The following GNG4 variants were observed in gnomAD, a reference collection of about 807,000 sequenced individuals.
GNG4 encodes the protein G protein subunit gamma 4.
Under a neutral mutation model 5.8 loss-of-function variants are expected in GNG4, and 4 were observed. The observed-to-expected ratio is 0.69, with a 90% CI of 0.34 to 1.57. The LOEUF is 1.57. GNG4 is among the 40% of genes most tolerant of loss of function. The pLI is 0.06. For missense variants in GNG4, 96 were observed against 95.1 expected (o/e 1.01, Z -0.04); for synonymous variants, 29 against 32.9 (o/e 0.88, Z 0.41).
chr1:235,602,406 G>A (rs1049222407), intron 1 of GNG4, among the ~76,000 whole-genome samples: 12 of 151,854 alleles, frequency 7.9e-5, no homozygotes, highest in Admixed American at 3.9e-4. Flanking sequence ...AAGAGCCCAC[G>A]TCCCCAAATT....
chr1:235,617,576 C>A (rs1688621397), intron 1 of GNG4, among the ~76,000 whole-genome samples: 1 of 152,116 alleles, frequency 6.6e-6, no homozygotes, highest in Non-Finnish European at 1.5e-5. Flanking sequence ...CTTCCCTTCC[C>A]CACTCCTATC....
At position 235,649,667 on chromosome 1, in the gene GNG4, G is replaced by T. The variant is rs370748853; in HGVS notation, c.-128C>A. 19 of 152,160 alleles carry T rather than the reference G, an allele frequency of 1.2e-4. No individual in the cohort carries two copies. In the East Asian group the frequency reaches 3.5e-3, roughly 28 times the overall value. The allele number at this position is 152,160 out of a possible 1,614,324, so 9.4% of individuals were successfully genotyped here. A position where few individuals can be genotyped will look rare whatever the true frequency, so the allele number is the denominator to read the frequency against. ...CCGGCCGGGCGCCCACTTACCCGGA[G>T]CGGGATCACGCGCGGGCTTCGTCTG... On this transcript the variant is annotated 5_prime_UTR_variant, in exon 1 of 4. Transcript: ENST00000391854. The surrounding 1 kb of genome is among the most constrained non-coding windows in gnomAD (Gnocchi z 5.7).
chr1:235,573,515 C>T (rs1311849792), intron 3 of GNG4, among the ~76,000 whole-genome samples: 10 of 151,912 alleles, frequency 6.6e-5, no homozygotes, highest in African/African-American at 1.9e-4. Context: ...CGGTAGCTCA[C>T]ACCTGTAATC....
At chr1:235,592,972 G>A (rs1343213429) in intron 2 of GNG4, among the ~76,000 whole-genome samples, 1 of 148,814 alleles carries the variant, frequency 6.7e-6, no homozygotes, top group Non-Finnish European at 1.5e-5. Flanking sequence ...TTTTGAGATG[G>A]AGTCTTGCTC....
chr1:235,587,417 GGGGT>G (rs2102945917), intron 2 of GNG4, among the ~76,000 whole-genome samples: 3 of 87,174 alleles, frequency 3.4e-5, no homozygotes, highest in East Asian at 7.4e-4. Flanking sequence ...GTGAGGGGTG[GGGGT>G]GTGTGTGTGA....
Position 235,593,460 on chromosome 1 carries a change from A to G in GNG4, c.-11+1940T>C, listed in dbSNP as rs373143270. Among the ~76,000 whole-genome samples, 305 of 152,314 alleles carry G rather than the reference A, an allele frequency of 2.0e-3. 1 individual carries two copies. The highest frequency in any genetic ancestry group is 5.8e-3 in the African/African-American group (240 of 41,570). ...TACGACTTCTGTCCATGAGCACTTGACAAGTATCTGTAGGCAGAATACTAC... is the reference window on the plus strand; with the variant it reads ...TACGACTTCTGTCCATGAGCACTTGGCAAGTATCTGTAGGCAGAATACTAC... On this transcript the variant is annotated intron_variant, in intron 2 of 3. Transcript: ENST00000391854.
In GNG4 at chr1:235,580,739, G is replaced by GTTTTTTT. The variant is rs1200655746; in HGVS notation, c.99+3000_99+3001insAAAAAAA. 8.2e-5 allele frequency among the ~76,000 whole-genome samples: 8 copies of GTTTTTTT among 98,030 alleles called. 3 individuals are homozygous for GTTTTTTT. Among genetic ancestry groups the GTTTTTTT allele is most frequent in the Admixed American group, 1.3e-4 (1 of 7,722 alleles). 64.3% of individuals were successfully genotyped at this position (98,030 alleles called of 152,430 possible). A position where few individuals can be genotyped will look rare whatever the true frequency, so the allele number is the denominator to read the frequency against. Reference sequence around the variant, plus strand: ...GCACAGCAACATGGCGGCCTATCCCGTTTTTTGTTTTTTTTTTTTTTTTTT... The same window carrying GTTTTTTT: ...GCACAGCAACATGGCGGCCTATCCCGTTTTTTTTTTTTTGTTTTTTTTTTTTTTTTTT... On this transcript the variant is annotated intron_variant, in intron 3 of 3. Transcript: ENST00000391854.
chr1:235,622,660 C>T (rs1262891111), intron 1 of GNG4, among the ~76,000 whole-genome samples: 1 of 151,926 alleles, frequency 6.6e-6, no homozygotes, highest in Non-Finnish European at 1.5e-5. Flanking sequence ...GCAGTTCGAT[C>T]ACCTGAGGTC....
chr1:235,565,062 T>C (rs1172992018), intron 3 of GNG4, among the ~76,000 whole-genome samples: 2 of 152,186 alleles, frequency 1.3e-5, no homozygotes, highest in Non-Finnish European at 2.9e-5. Flanking sequence ...GTGTGGAAGT[T>C]ATTTCGATTC....
At position 235,600,100 on chromosome 1, in the gene GNG4, C is replaced by CTTT. The variant is rs533853180; in HGVS notation, c.-122-4592_-122-4590dup. 7.7e-4 allele frequency among the ~76,000 whole-genome samples: 33 copies of CTTT among 43,136 alleles called. 9 individuals carry two copies. The highest frequency in any genetic ancestry group is 1.9e-3 in the South Asian group (2 of 1,062). The allele number at this position is 43,136 out of a possible 152,430, so 28.3% of individuals were successfully genotyped here. A position where few individuals can be genotyped will look rare whatever the true frequency, so the allele number is the denominator to read the frequency against. On this transcript the variant is annotated intron_variant, in intron 1 of 3. Transcript: ENST00000391854. ...TCCTTTATCTGGTTGCGGAAGAAAG[C>CTTT]TTTTTTTTTTTTTTTTTTTTTTTTT...
Position 235,644,039 on chromosome 1 carries a change from A to G in GNG4, c.-123+5623T>C, listed in dbSNP as rs1657431466. Among the ~76,000 whole-genome samples the G allele has an allele frequency of 6.6e-6, 1 of 152,210 alleles. No homozygotes were observed. The highest frequency in any genetic ancestry group is 1.5e-5 in the Non-Finnish European group (1 of 68,040). On this transcript the variant is annotated intron_variant, in intron 1 of 3. Transcript: ENST00000391854. This position sits in a 1 kb window ranked among gnomAD's most constrained non-coding sequence, Gnocchi z 5.9. ...AAAGATCTGCCCGAGAGAGTCCCCAAAAGGCACAATTCTACAAGGTCAACC... is the reference window on the plus strand; with the variant it reads ...AAAGATCTGCCCGAGAGAGTCCCCAGAAGGCACAATTCTACAAGGTCAACC...
upstream of GNG4, among the ~76,000 whole-genome samples, chr1:235,650,259 C>CT (rs1428865183): frequency 2.8e-5 from 4 of 145,352 alleles, no homozygotes; most frequent in East Asian, 4.1e-4. Flanking sequence ...GGGTAAATCA[C>CT]TGGGGGGGGG....
chr1:235,588,649 GC>G (rs1252921837), intron 2 of GNG4, among the ~76,000 whole-genome samples: 1 of 151,672 alleles, frequency 6.6e-6, no homozygotes, highest in African/African-American at 2.4e-5. Context: ...CCTCTGCGAG[GC>G]CCTCAGAGCT....
intron 1 of GNG4, among the ~76,000 whole-genome samples, chr1:235,643,905 G>A (rs1467042817): frequency 6.6e-6 from 1 of 152,252 alleles, no homozygotes; most frequent in African/African-American, 2.4e-5. Flanking sequence ...AACTTGTTCA[G>A]AGGATGCTGA....
intron 3 of GNG4, among the ~76,000 whole-genome samples, chr1:235,555,149 T>C (rs751546866): frequency 2.6e-5 from 4 of 152,078 alleles, no homozygotes; most frequent in Non-Finnish European, 5.9e-5. Context: ...AAAAGAACAC[T>C]TGCACGCCAC....
intron 1 of GNG4, among the ~76,000 whole-genome samples, chr1:235,628,204 C>A (rs544519814): frequency 6.6e-6 from 1 of 152,170 alleles, no homozygotes; most frequent in African/African-American, 2.4e-5. Context: ...AAGACAACAA[C>A]AACAACAACA....
rs1306565402 is a variant in GNG4 at position 235,642,786 on chromosome 1, A to G, written c.-123+6876T>C. Among the ~76,000 whole-genome samples, 2 of 152,080 alleles carry G rather than the reference A, an allele frequency of 1.3e-5. No individual in the cohort carries two copies. The highest frequency in any genetic ancestry group is 6.5e-5 in the Admixed American group (1 of 15,278). ...ATCACACCTCGGATCACCCCAGGCA[A>G]TCTCGCCCCTGTGGCTTCACCTGGG... On this transcript the variant is annotated intron_variant, in intron 1 of 3. Coordinates refer to ENST00000391854, the MANE Select transcript of GNG4 (RefSeq NM_001098722.2). The surrounding 1 kb of genome is among the most constrained non-coding windows in gnomAD (Gnocchi z 4.3).
At position 235,549,908 on chromosome 1, in the gene GNG4, A is replaced by C. The variant is rs1334111994; in HGVS notation, c.*2201T>G. The C allele has an allele frequency of 6.6e-6, 1 of 152,214 alleles. No homozygotes were observed. The highest frequency in any genetic ancestry group is 1.5e-5 in the Non-Finnish European group (1 of 68,042). 9.4% of individuals were successfully genotyped at this position (152,214 alleles called of 1,614,324 possible). ...GTTTTAAATGATAATCAGAGCTTTCATCTATGTAGCATCTCTGTTTCCTCC... is the reference window on the plus strand; with the variant it reads ...GTTTTAAATGATAATCAGAGCTTTCCTCTATGTAGCATCTCTGTTTCCTCC... On this transcript the variant is annotated 3_prime_UTR_variant, in exon 4 of 4. Transcript: ENST00000391854.
chr1:235,582,364 A>C (rs1326600549), intron 3 of GNG4, among the ~76,000 whole-genome samples: 1 of 152,068 alleles, frequency 6.6e-6, no homozygotes, highest in Non-Finnish European at 1.5e-5. Context: ...GCTCCACACG[A>C]GCCGTGATTA....
Sources: gnomAD v4.1 joint callset for allele counts (sites outside exome capture counted in the v4.1 genomes callset) on GRCh38, gnomAD v4.1.1 for gene constraint, Gnocchi (gnomAD v3.1) non-coding constraint, MANE v1.5 for transcripts, NCBI Gene and HGNC (gene_info 2026-07-23, HGNC 2026-07-21) for gene names.